B3GLCT: variants seen among roughly 807,000 people sequenced by gnomAD.
B3GLCT encodes the protein beta-1,3-glucosyltransferase.
A neutral mutation model predicts 63.4 loss-of-function variants in B3GLCT; 65 were observed. The observed-to-expected ratio is 1.03, with a 90% confidence interval of 0.84 to 1.26. The LOEUF is 1.26. Among genes scored for constraint, B3GLCT ranks in the 50% most tolerant of loss-of-function variants. B3GLCT has a pLI of 0.00. For missense variants in B3GLCT, 577 were observed against 604.8 expected (o/e 0.95, Z 0.48); for synonymous variants, 233 against 219.2 (o/e 1.06, Z -0.55).
rs190906079 is a variant in B3GLCT, at chr13:31,261,757, A to G, written c.596+675A>G. Among the ~76,000 whole-genome samples the G allele has an allele frequency of 2.0e-5, 3 of 152,316 alleles. No individual in the cohort carries two copies. The East Asian group carries it at 5.8e-4, about 29-fold the overall frequency. ...TATCTTCAGAGATGAAAGAGTTTCT[A>G]TCATTAAGTGTCCTGTCTCTAGGAT... On this transcript the variant is annotated intron_variant, in intron 7 of 14. Coordinates refer to ENST00000343307, the MANE Select transcript of B3GLCT (RefSeq NM_194318.4).
At chr13:31,222,165 G>A (rs555271219) in intron 2 of B3GLCT, among the ~76,000 whole-genome samples, 7 of 145,816 alleles carry the variant, frequency 4.8e-5, no homozygotes, top group South Asian at 2.2e-4. Flanking sequence ...TGCAACCTCC[G>A]CCTCCTGGGT....
chr13:31,320,125 C>G (rs1875262174), intron 13 of B3GLCT, among the ~76,000 whole-genome samples: 1 of 152,230 alleles, frequency 6.6e-6, no homozygotes, highest in African/African-American at 2.4e-5. Context: ...GTTGTCCACA[C>G]TGTAGTCAAA....
chr13:31,261,252 G>A (rs1217995887), intron 7 of B3GLCT, among the ~76,000 whole-genome samples, 170 bp downstream of exon 7: 1 of 152,184 alleles, frequency 6.6e-6, no homozygotes, highest in Non-Finnish European at 1.5e-5. Context: ...TTCTGCTTCA[G>A]CGCTGTCATT....
chr13:31,240,501 A>G (rs1323299927), intron 4 of B3GLCT, among the ~76,000 whole-genome samples: 1 of 150,708 alleles, frequency 6.6e-6, no homozygotes, highest in Non-Finnish European at 1.5e-5. Context: ...TATATTAAAA[A>G]CACCTGATTT....
At chr13:31,254,318 T>G (rs1025034725) in intron 6 of B3GLCT, among the ~76,000 whole-genome samples, 4 of 152,194 alleles carry the variant, frequency 2.6e-5, no homozygotes, top group African/African-American at 9.7e-5. Context: ...ATCAAAAAAC[T>G]TATCCACCAC....
In B3GLCT at chr13:31,316,407, T is replaced by TTATATA. The variant is rs71099949; in HGVS notation, c.1065-1140_1065-1135dup. Among the ~76,000 whole-genome samples, 120 of 40,862 alleles carry TTATATA rather than the reference T, an allele frequency of 2.9e-3. 22 individuals carry two copies. The highest frequency in any genetic ancestry group is 3.4e-3 in the Non-Finnish European group (63 of 18,510). The allele number at this position is 40,862 out of a possible 152,430, so 26.8% of individuals were successfully genotyped here. A position where few individuals can be genotyped will look rare whatever the true frequency, so the allele number is the denominator to read the frequency against. On this transcript the variant is annotated intron_variant, in intron 12 of 14. Transcript: ENST00000343307. The stretch of plus-strand genomic sequence containing the variant: ...TGGAATCAAGGAGATTTTGGAGGTT[T>TTATATA]TATATATATATATATATATATATAA...
chr13:31,299,523 A>G (rs1874123531), intron 12 of B3GLCT, among the ~76,000 whole-genome samples: 1 of 152,124 alleles, frequency 6.6e-6, no homozygotes, highest in African/African-American at 2.4e-5. Flanking sequence ...CTGTATTGCC[A>G]GCTTTGTTTA....
At chr13:31,210,219 A>T (rs192631303) in intron 1 of B3GLCT, among the ~76,000 whole-genome samples, 141 of 152,354 alleles carry the variant, frequency 9.3e-4, no homozygotes, top group African/African-American at 3.3e-3. Context: ...CTTTAAATAT[A>T]GTTCCCTGTT....
intron 10 of B3GLCT, 99 bp from the exon 11 acceptor site, chr13:31,284,549 A>G (rs950014482): frequency 2.6e-6 from 2 of 756,608 alleles, no homozygotes; most frequent in South Asian, 1.4e-5. Flanking sequence ...ACAACCAGTA[A>G]TGTTTCTCTT....
intron 4 of B3GLCT, among the ~76,000 whole-genome samples, chr13:31,231,336 T>C (rs749468199): frequency 3.3e-5 from 5 of 152,200 alleles, no homozygotes; most frequent in Non-Finnish European, 5.9e-5. Context: ...CCCTTACTCA[T>C]ATGAATTAAG....
chr13:31,268,240 T>TA (rs1050815718), intron 7 of B3GLCT, among the ~76,000 whole-genome samples: 3 of 152,176 alleles, frequency 2.0e-5, no homozygotes, highest in African/African-American at 7.2e-5. Context: ...TATAAATAAA[T>TA]AAAAAACCAT....
chr13:31,266,245 G>A lies in B3GLCT; in HGVS notation c.597-2969G>A, dbSNP rs771473060. ...GATCTCCTGACCTCATGTTTTGCCC[G>A]CCTTGGCCTCCCAACCTCGTGATCC... On this transcript the variant is annotated intron_variant, in intron 7 of 14. Transcript: ENST00000343307. 6.6e-5 allele frequency among the ~76,000 whole-genome samples: 10 copies of A among 152,086 alleles called. No homozygotes were observed. The South Asian group carries it at 8.3e-4, about 13-fold the overall frequency.
chr13:31,288,733 A>G (rs2137884552), intron 12 of B3GLCT, among the ~76,000 whole-genome samples: 1 of 152,264 alleles, frequency 6.6e-6, no homozygotes, highest in East Asian at 1.9e-4. Flanking sequence ...ACATATATAC[A>G]TCTTCAGGAA....
intron 3 of B3GLCT, among the ~76,000 whole-genome samples, chr13:31,227,783 A>G (rs1028181209): frequency 6.6e-6 from 1 of 152,244 alleles, no homozygotes; most frequent in Non-Finnish European, 1.5e-5. Flanking sequence ...GAATAAAATT[A>G]AAATCAAATT....
chr13:31,251,318 G>A (rs1349027179), intron 6 of B3GLCT, among the ~76,000 whole-genome samples: 1 of 152,146 alleles, frequency 6.6e-6, no homozygotes, highest in East Asian at 1.9e-4. Context: ...TCCTTCAAAG[G>A]ATCACAACTC....
intron 6 of B3GLCT, among the ~76,000 whole-genome samples, chr13:31,256,190 A>G (rs527492603): frequency 1.3e-5 from 2 of 152,380 alleles, no homozygotes; most frequent in East Asian, 1.9e-4. Context: ...AAAGTTCATC[A>G]TCACTGGTTA....
At chr13:31,260,409 A>G (rs1196213265) in intron 6 of B3GLCT, 1 of 152,656 alleles carries the variant, frequency 6.6e-6, no homozygotes, top group Non-Finnish European at 1.5e-5. Context: ...ATTTATTTTC[A>G]TCCTAGCACA....
rs142213738 is a variant in B3GLCT, at chr13:31,224,928, T to C, written c.160+1937T>C. On this transcript the variant is annotated intron_variant, in intron 3 of 14. Transcript: ENST00000343307. ...ACAGTGCTTGGCCCATGGTAGGTGC[T>C]CAGCAACTGAAGACATAGAGAGCAT... 5.3e-5 allele frequency among the ~76,000 whole-genome samples: 8 copies of C among 152,316 alleles called. No individual in the cohort carries two copies. The East Asian group carries it at 1.5e-3, about 29-fold the overall frequency.
At chr13:31,268,189 GT>G (rs1593285913) in intron 7 of B3GLCT, among the ~76,000 whole-genome samples, 1 of 152,076 alleles carries the variant, frequency 6.6e-6, no homozygotes, top group East Asian at 1.9e-4. Flanking sequence ...GTGAAACTAT[GT>G]ATTAGGAGGT....
Sources: gnomAD v4.1 joint callset for allele counts (sites outside exome capture counted in the v4.1 genomes callset) on GRCh38, gnomAD v4.1.1 for gene constraint, MANE v1.5 for transcripts, NCBI Gene and HGNC (gene_info 2026-07-23, HGNC 2026-07-21) for gene names.